The following ZBTB10 variants were observed in gnomAD, a reference collection of about 807,000 sequenced individuals.
The protein encoded by ZBTB10 is zinc finger and BTB domain-containing protein 10.
A neutral mutation model predicts 76.4 loss-of-function variants in ZBTB10; 32 were observed. That is an observed-to-expected ratio of 0.42 (90% CI 0.32 to 0.56). The LOEUF (loss-of-function observed/expected upper bound fraction) is 0.56. Ranked by LOEUF, ZBTB10 falls within the 20% of genes least tolerant of loss-of-function variation. The pLI is 0.14. For synonymous variants in ZBTB10, 523 were observed against 432.9 expected (o/e 1.21, Z -2.58); for missense variants, 1,057 against 1,098.5 (o/e 0.96, Z 0.53).
Position 80,522,949 on chromosome 8 carries a change from C to T in ZBTB10, c.*3421C>T, listed in dbSNP as rs1458603627. 6.6e-6 allele frequency: 1 copy of T among 151,488 alleles called. No homozygotes were observed. The highest frequency in any genetic ancestry group is 2.4e-5 in the African/African-American group (1 of 41,256). The allele number at this position is 151,488 out of a possible 1,614,324, so 9.4% of individuals were successfully genotyped here. ...TCTTAATTTTTAAAACTTTAGTAAG[C>T]TTTATTTATATTTTTTAGGATTTTC... On this transcript the variant is annotated 3_prime_UTR_variant, in exon 6 of 6. Coordinates refer to ENST00000455036, the MANE Select transcript of ZBTB10 (RefSeq NM_001105539.3).
At position 80,518,971 on chromosome 8, in the gene ZBTB10, A is replaced by G. The variant is rs1350169982; in HGVS notation, c.2310+17A>G. The G allele has an allele frequency of 6.3e-7, 1 of 1,576,142 alleles. No homozygotes were observed. Among genetic ancestry groups the G allele is most frequent in the East Asian group, 2.3e-5 (1 of 44,002 alleles). On this transcript the variant is annotated intron_variant, in intron 5 of 5. Coordinates refer to ENST00000455036, the MANE Select transcript of ZBTB10 (RefSeq NM_001105539.3). ...CATTCCCTGGTAAGTAACTTTAAATACAGCTGATCTTTGAGATAAACTATA... is the reference window on the plus strand; with the variant it reads ...CATTCCCTGGTAAGTAACTTTAAATGCAGCTGATCTTTGAGATAAACTATA...
chr8:80,487,877 A>G (rs1815521090), intron 1 of ZBTB10, 95 bp downstream of exon 1: 3 of 1,377,604 alleles, frequency 2.2e-6, no homozygotes, highest in Admixed American at 2.6e-5. Context: ...AAAAAACCTC[A>G]AAACCATTTT....
Position 80,516,795 on chromosome 8 carries a change from TTA to T in ZBTB10, c.1961-1606_1961-1605del, listed in dbSNP as rs1438811846. Among the ~76,000 whole-genome samples the T allele has an allele frequency of 2.6e-5, 4 of 152,212 alleles. No homozygotes were observed. The South Asian group carries it at 6.2e-4, about 24-fold the overall frequency. On this transcript the variant is annotated intron_variant, in intron 3 of 5. Coordinates refer to ENST00000455036, the MANE Select transcript of ZBTB10 (RefSeq NM_001105539.3). ...ACTTTCACCAAAAAGGAATCTTAAG[TTA>T]TCTTAATTTTTAAGAGGGACAGCAT...
intron 1 of ZBTB10, among the ~76,000 whole-genome samples, chr8:80,488,242 C>T (rs1464794044): frequency 2.0e-5 from 3 of 152,160 alleles, no homozygotes; most frequent in Non-Finnish European, 4.4e-5. Flanking sequence ...TTTAAGGCTA[C>T]CCCTTTCAGG....
At chr8:80,494,580 C>G (rs1476565337) in intron 1 of ZBTB10, among the ~76,000 whole-genome samples, 3 of 152,126 alleles carry the variant, frequency 2.0e-5, no homozygotes, top group African/African-American at 7.2e-5. Context: ...CACCTATCTT[C>G]CCTAATTAAG....
intron 1 of ZBTB10, among the ~76,000 whole-genome samples, chr8:80,491,582 T>G (rs1815632001): frequency 6.6e-6 from 1 of 152,212 alleles, no homozygotes; most frequent in Admixed American, 6.5e-5. Context: ...AAACATGCTT[T>G]CTGAGTCTGT....
Position 80,523,630 on chromosome 8 carries a change from T to C in ZBTB10, c.*4102T>C, listed in dbSNP as rs77068716. On this transcript the variant is annotated 3_prime_UTR_variant, in exon 6 of 6. Transcript: ENST00000455036. Reference sequence around the variant, plus strand: ...TTAAAATGGAAAGTTTTTTTTTTTTTCCTGCTGTATCTCTGCTTTCAACTG... The same window carrying C: ...TTAAAATGGAAAGTTTTTTTTTTTTCCCTGCTGTATCTCTGCTTTCAACTG... The C allele has an allele frequency of 6.8e-6, 1 of 148,092 alleles. No homozygotes were observed. The allele number at this position is 148,092 out of a possible 1,614,324, so 9.2% of individuals were successfully genotyped here.
chr8:80,493,155 C>G (rs1229424796), intron 1 of ZBTB10, among the ~76,000 whole-genome samples: 1 of 151,124 alleles, frequency 6.6e-6, no homozygotes, highest in Non-Finnish European at 1.5e-5. Flanking sequence ...CACCCCACTG[C>G]ACTCCAACTG....
intron 1 of ZBTB10, among the ~76,000 whole-genome samples, chr8:80,498,170 C>T (rs1242118260): frequency 6.6e-6 from 1 of 152,132 alleles, no homozygotes; most frequent in Non-Finnish European, 1.5e-5. Context: ...GTTTAGGGAT[C>T]CACCATTTAG....
rs1193641884 is a variant in ZBTB10, at chr8:80,486,713, G to GGGGCGA, written c.-96_-91dup. 14 of 999,654 alleles carry GGGGCGA rather than the reference G, an allele frequency of 1.4e-5. No homozygotes were observed. The highest frequency in any genetic ancestry group is 1.5e-5 in the Non-Finnish European group (13 of 840,002). The allele number at this position is 999,654 out of a possible 1,614,324, so 61.9% of individuals were successfully genotyped here. On this transcript the variant is annotated 5_prime_UTR_variant, in exon 1 of 6. Transcript: ENST00000455036. Reference sequence around the variant, plus strand: ...CCGCGAGACCGGAACGCCGGGGGCGGGGGCGAGACAGAGGGGGAGCCGCGG... The same window carrying GGGGCGA: ...CCGCGAGACCGGAACGCCGGGGGCGGGGGCGAGGGCGAGACAGAGGGGGAGCCGCGG...
chr8:80,488,204 CTT>C (rs1460334936), intron 1 of ZBTB10, among the ~76,000 whole-genome samples: 1 of 152,314 alleles, frequency 6.6e-6, no homozygotes, highest in East Asian at 1.9e-4. Context: ...TCGGGCAACT[CTT>C]TGAAGAATGG....
chr8:80,509,932 T>A (rs1013777704), intron 2 of ZBTB10, among the ~76,000 whole-genome samples: 2 of 152,128 alleles, frequency 1.3e-5, no homozygotes, highest in African/African-American at 4.8e-5. Context: ...ATTACAGACA[T>A]GAGCCATTGT....
rs1346551247 is a variant in ZBTB10, at chr8:80,522,265, GA to G, written c.*2740del. 1 of 151,852 alleles carries G rather than the reference GA, an allele frequency of 6.6e-6. No individual in the cohort carries two copies. The highest frequency in any genetic ancestry group is 2.4e-5 in the African/African-American group (1 of 41,402). 9.4% of individuals were successfully genotyped at this position (151,852 alleles called of 1,614,324 possible). On this transcript the variant is annotated 3_prime_UTR_variant, in exon 6 of 6. Transcript: ENST00000455036. ...TATGATTGGTCTCAGAGGTAACAAT[GA>G]AATACTCATAATTTTGTCTGTGGAA...
At chr8:80,506,562 AC>A (rs775670465) in intron 2 of ZBTB10, among the ~76,000 whole-genome samples, 1,562 of 85,240 alleles carry the variant, frequency 0.018, 29 homozygotes, top group East Asian at 0.046. Flanking sequence ...CAGGTGATCC[AC>A]CCCCCCCCCA....
At chr8:80,494,536 CTA>C (rs1158752474) in intron 1 of ZBTB10, among the ~76,000 whole-genome samples, 1 of 152,132 alleles carries the variant, frequency 6.6e-6, no homozygotes, top group Non-Finnish European at 1.5e-5. Flanking sequence ...GATTTTTAGA[CTA>C]TTTTTCTAGG....
rs984416520 is a variant in ZBTB10 at position 80,520,459 on chromosome 8, T to C, written c.*931T>C. 2.0e-5 allele frequency: 3 copies of C among 152,486 alleles called. No individual in the cohort carries two copies. The highest frequency in any genetic ancestry group is 2.9e-5 in the Non-Finnish European group (2 of 67,936). The allele number at this position is 152,486 out of a possible 1,614,324, so 9.4% of individuals were successfully genotyped here. A position where few individuals can be genotyped will look rare whatever the true frequency, so the allele number is the denominator to read the frequency against. On this transcript the variant is annotated 3_prime_UTR_variant, in exon 6 of 6. Transcript: ENST00000455036. ...CCTCAGTCCTATTTGAAAGACCTAA[T>C]TGAAAGAAAAATCATAGAAATAAGT...
intron 2 of ZBTB10, among the ~76,000 whole-genome samples, chr8:80,505,533 C>G (rs1385995042): frequency 6.6e-6 from 1 of 152,054 alleles, no homozygotes; most frequent in African/African-American, 2.4e-5. Flanking sequence ...CTGGAAGTTT[C>G]TTTCACCTAG....
At chr8:80,493,401 A>G (rs1410324990) in intron 1 of ZBTB10, among the ~76,000 whole-genome samples, 1 of 152,216 alleles carries the variant, frequency 6.6e-6, no homozygotes, top group Non-Finnish European at 1.5e-5. Flanking sequence ...ATGGGCAACA[A>G]TAGCAGTTTT....
rs1254145659 is a variant in ZBTB10 at position 80,500,271 on chromosome 8, T to C, written c.1750T>C (p.Phe584Leu). Residue 584 changes from phenylalanine (F) to leucine (L), a missense_variant, in exon 2 of 6, where the codon TTT (phenylalanine) becomes CTT (leucine). Around this residue, in one of 5 missense-constraint regions of ZBTB10, gnomAD observed 306 missense variants for 297.5 expected, o/e 1.03. Transcript: ENST00000455036. ...TRRKNQTTKR[F>L]IYNIPPNNET... ...GAGGAAAAACCAAACTACAAAAAGATTTATTTATAATATTCCACCTAATAA... is the reference window on the plus strand; with the variant it reads ...GAGGAAAAACCAAACTACAAAAAGACTTATTTATAATATTCCACCTAATAA... The C allele has an allele frequency of 6.3e-7, 1 of 1,576,420 alleles. No individual in the cohort carries two copies. Among genetic ancestry groups the C allele is most frequent in the Non-Finnish European group, 8.6e-7 (1 of 1,160,490 alleles).
Sources: gnomAD v4.1 joint callset for allele counts (sites outside exome capture counted in the v4.1 genomes callset) on GRCh38, gnomAD v4.1.1 for gene constraint, gnomAD v4.1.1 regional missense constraint, MANE v1.5 for transcripts, NCBI Gene and HGNC (gene_info 2026-07-23, HGNC 2026-07-21) for gene names.